The following LRRTM4 variants were observed in gnomAD, a reference collection of about 807,000 sequenced individuals.
The protein encoded by LRRTM4 is leucine-rich repeat transmembrane neuronal protein 4.
LRRTM4 carries 25 observed loss-of-function variants against 47.6 expected under a neutral mutation model. The observed-to-expected ratio is 0.53, with a 90% CI of 0.38 to 0.73. The LOEUF is 0.73. Among genes scored for constraint, LRRTM4 ranks in the 30% least tolerant of loss-of-function variants. LRRTM4 has a pLI of 0.00. For synonymous variants in LRRTM4, 311 were observed against 269.5 expected (o/e 1.15, Z -1.51); for missense variants, 638 against 713.4 (o/e 0.89, Z 1.20).
At chr2:77,242,651 AC>A (rs1675302469) in intron 3 of LRRTM4, among the ~76,000 whole-genome samples, 1 of 151,244 alleles carries the variant, frequency 6.6e-6, no homozygotes, top group South Asian at 2.1e-4. Context: ...TATCAAAAAA[AC>A]AAACCAAAAC....
At chr2:77,203,116 T>C (rs945848855) in intron 3 of LRRTM4, among the ~76,000 whole-genome samples, 1 of 151,896 alleles carries the variant, frequency 6.6e-6, no homozygotes, top group Non-Finnish European at 1.5e-5. Context: ...CACACACATA[T>C]ATACATATGT....
At chr2:77,312,225 C>T (rs1443507490) in intron 3 of LRRTM4, among the ~76,000 whole-genome samples, 3 of 152,136 alleles carry the variant, frequency 2.0e-5, no homozygotes, top group Non-Finnish European at 4.4e-5. Flanking sequence ...TGTAATTCCA[C>T]AGTATTAATT....
chr2:77,456,842 G>A (rs1192910651), intron 3 of LRRTM4, among the ~76,000 whole-genome samples: 1 of 150,644 alleles, frequency 6.6e-6, no homozygotes, highest in East Asian at 1.9e-4. Context: ...CTAATTTTCT[G>A]TAACACCATC....
chr2:77,311,980 T>G (rs915932563), intron 3 of LRRTM4, among the ~76,000 whole-genome samples: 2 of 152,102 alleles, frequency 1.3e-5, no homozygotes, highest in Non-Finnish European at 2.9e-5. Context: ...CACAAATAAA[T>G]AGCAGACACA....
intron 3 of LRRTM4, among the ~76,000 whole-genome samples, chr2:77,478,250 C>G (rs971388625): frequency 6.6e-6 from 1 of 152,116 alleles, no homozygotes; most frequent in Non-Finnish European, 1.5e-5. Flanking sequence ...TTATGAAAAT[C>G]ATCTTTTTGT....
chr2:77,078,966 G>C (rs2103849979), intron 3 of LRRTM4, among the ~76,000 whole-genome samples: 1 of 152,282 alleles, frequency 6.6e-6, no homozygotes, highest in Non-Finnish European at 1.5e-5. Context: ...CAGAAGGGGA[G>C]AATGGGCTCC....
Position 77,465,165 on chromosome 2 carries a change from G to A in LRRTM4, c.1551+53153C>T, listed in dbSNP as rs1229807980. On this transcript the variant is annotated intron_variant, in intron 3 of 3. Transcript: ENST00000409884. ...GCCTCTGGTAACATACAATCTTCACGAGCTTTAGGATTGATGTCTGGTATT... is the reference window on the plus strand; with the variant it reads ...GCCTCTGGTAACATACAATCTTCACAAGCTTTAGGATTGATGTCTGGTATT... 5.3e-5 allele frequency among the ~76,000 whole-genome samples: 8 copies of A among 152,052 alleles called. No individual in the cohort carries two copies. In the East Asian group the frequency reaches 7.7e-4, roughly 15 times the overall value.
intron 3 of LRRTM4, among the ~76,000 whole-genome samples, chr2:77,015,267 T>C (rs1020202263): frequency 6.6e-6 from 1 of 152,174 alleles, no homozygotes; most frequent in African/African-American, 2.4e-5. Context: ...AATAAATCCC[T>C]TAGTATATAT....
intron 3 of LRRTM4, among the ~76,000 whole-genome samples, chr2:76,807,428 A>ATC (rs1216403355): frequency 9.8e-6 from 1 of 102,336 alleles, no homozygotes; most frequent in Non-Finnish European, 1.7e-5. Flanking sequence ...ATATATACAT[A>ATC]TATATATACG....
At chr2:77,184,054 C>T (rs1673431449) in intron 3 of LRRTM4, among the ~76,000 whole-genome samples, 1 of 151,732 alleles carries the variant, frequency 6.6e-6, no homozygotes, top group South Asian at 2.1e-4. Flanking sequence ...GCACATTGTG[C>T]ACATGTACCC....
intron 3 of LRRTM4, among the ~76,000 whole-genome samples, chr2:77,037,242 A>G (rs1221382236): frequency 6.6e-6 from 1 of 151,792 alleles, no homozygotes; most frequent in African/African-American, 2.4e-5. Context: ...TTTCCAACAA[A>G]GACCAATTAA....
intron 3 of LRRTM4, among the ~76,000 whole-genome samples, chr2:77,110,243 G>C (rs761949954): frequency 1.3e-5 from 2 of 152,092 alleles, no homozygotes; most frequent in Non-Finnish European, 2.9e-5. Flanking sequence ...CAGACAACTG[G>C]ACTATTTAAA....
intron 3 of LRRTM4, among the ~76,000 whole-genome samples, chr2:77,278,841 G>A (rs554628530): frequency 6.6e-5 from 10 of 152,028 alleles, no homozygotes; most frequent in African/African-American, 1.2e-4. Flanking sequence ...CATGACCACC[G>A]TCATGGCCTT....
intron 3 of LRRTM4, among the ~76,000 whole-genome samples, chr2:76,785,071 A>C (rs1207047019): frequency 6.6e-6 from 1 of 152,132 alleles, no homozygotes; most frequent in Non-Finnish European, 1.5e-5. Context: ...TCTAGTCTGC[A>C]ATAAACTATT....
At chr2:77,358,353 C>T (rs890170971) in intron 3 of LRRTM4, among the ~76,000 whole-genome samples, 1 of 152,128 alleles carries the variant, frequency 6.6e-6, no homozygotes, top group Non-Finnish European at 1.5e-5. Flanking sequence ...ACAATCCACT[C>T]TTGCGGGAAC....
chr2:77,161,297 T>G (rs762188299), intron 3 of LRRTM4, among the ~76,000 whole-genome samples: 13 of 152,166 alleles, frequency 8.5e-5, no homozygotes, highest in Non-Finnish European at 1.3e-4. Flanking sequence ...CTGACTTGAC[T>G]GGTATTGTGA....
intron 3 of LRRTM4, among the ~76,000 whole-genome samples, chr2:77,295,240 C>T (rs114607202): frequency 0.011 from 1,715 of 152,118 alleles, 31 homozygotes; most frequent in African/African-American, 0.039. Flanking sequence ...ACCTACAGTA[C>T]CCTCTTATAT....
chr2:77,221,234 C>G (rs201580670), intron 3 of LRRTM4, among the ~76,000 whole-genome samples: 2 of 149,420 alleles, frequency 1.3e-5, no homozygotes, highest in African/African-American at 4.9e-5. Context: ...ACAACTGGTA[C>G]CAGCCACTGC....
At chr2:77,359,159 T>C (rs1672084005) in intron 3 of LRRTM4, among the ~76,000 whole-genome samples, 1 of 152,160 alleles carries the variant, frequency 6.6e-6, no homozygotes, top group Non-Finnish European at 1.5e-5. Flanking sequence ...TTTTCACACC[T>C]AACATCAGAT....
Sources: allele counts gnomAD v4.1 joint callset (sites outside exome capture counted in the v4.1 genomes callset), GRCh38; gene constraint gnomAD v4.1.1; transcripts MANE v1.5; gene names NCBI Gene and HGNC (gene_info 2026-07-23, HGNC 2026-07-21).